SETD9: variants seen among roughly 807,000 people sequenced by gnomAD.
SETD9 encodes SET domain-containing protein 9.
Under a neutral mutation model 36.4 loss-of-function variants are expected in SETD9, and 37 were observed. The observed-to-expected ratio is 1.02, with a 90% CI of 0.78 to 1.34. The LOEUF (loss-of-function observed/expected upper bound fraction) is 1.34. Ranked by LOEUF, SETD9 falls within the 40% of genes most tolerant of loss-of-function variation. The pLI, the probability that SETD9 is intolerant of heterozygous loss-of-function variation, is 0.00. For synonymous variants in SETD9, 128 were observed against 132.9 expected, an observed-to-expected ratio of 0.96 and a Z score of 0.26; for missense variants, 323 against 353.2, an observed-to-expected ratio of 0.91 and a Z score of 0.69.
At chr5:56,909,385 G>A, upstream of SETD9, 2 of 378,106 alleles carry the variant, frequency 5.3e-6, no homozygotes, top group Non-Finnish European at 4.7e-6. Context: ...GCCCACGGAA[G>A]CACCCGAGCG....
At chr5:56,913,622 G>T (rs1013108748) in intron 3 of SETD9, among the ~76,000 whole-genome samples, 31 of 152,086 alleles carry the variant, frequency 2.0e-4, no homozygotes, top group Non-Finnish European at 3.8e-4. Context: ...GACCTCAAGT[G>T]ATCTGCCTGC....
chr5:56,912,129 T>A, intron 2 of SETD9: 1 of 958,678 alleles, frequency 1.0e-6, no homozygotes, highest in Middle Eastern at 5.3e-4. Context: ...CGCTCCAGCC[T>A]GGGTGACAGT....
At chr5:56,919,930 A>G (rs1749588792), downstream of SETD9, 1 of 152,554 alleles carries the variant, frequency 6.6e-6, no homozygotes, top group African/African-American at 2.4e-5. Flanking sequence ...AGTAACGTCA[A>G]TATTTTATAA....
At chr5:56,922,955 T>G in intron 5 of SETD9, 1 of 616,460 alleles carries the variant, frequency 1.6e-6, no homozygotes, top group Non-Finnish European at 2.8e-6. Context: ...TCCACATTTA[T>G]GGATTGAAAA....
At chr5:56,923,454 T>A in intron 5 of SETD9, 4 of 1,614,158 alleles carry the variant, frequency 2.5e-6, no homozygotes, top group Non-Finnish European at 3.4e-6. Context: ...CTGGGCAGGG[T>A]GAGTAACTCT....
In SETD9 at chr5:56,909,696, G is replaced by C; in HGVS notation, c.51G>C (p.Lys17Asn). 6.2e-7 allele frequency: 1 copy of C among 1,611,150 alleles called. No individual in the cohort carries two copies. Reference protein sequence around the residue: ...RGLWQRWRRYKYRFVPWIALN... With the variant: ...RGLWQRWRRYNYRFVPWIALN... ...TGTGGCAGCGATGGCGCCGTTACAA[G>C]TACCGCTTCGTTCCCTGGATCGCAC... Residue 17 changes from lysine to asparagine, a missense_variant, in exon 1 of 6, where the codon AAG becomes AAC. Transcript: ENST00000285947.
chr5:56,923,471 A>G (rs1749781671), intron 5 of SETD9: 1 of 1,614,196 alleles, frequency 6.2e-7, no homozygotes, highest in Non-Finnish European at 8.5e-7. Context: ...CTCTTCTGTT[A>G]CAACAGGCAC....
intron 5 of SETD9, chr5:56,923,481 C>A (rs1249397162): frequency 6.2e-7 from 1 of 1,614,064 alleles, no homozygotes; most frequent in African/African-American, 1.3e-5. Context: ...ACAACAGGCA[C>A]ATGATTAACT....
intron 5 of SETD9, chr5:56,923,830 G>A: frequency 6.2e-7 from 1 of 1,614,078 alleles, no homozygotes; most frequent in Non-Finnish European, 8.5e-7. Flanking sequence ...GATCCATATA[G>A]TCCCTGAAAA....
chr5:56,911,037 C>T, intron 1 of SETD9, 132 bp from the exon 2 acceptor site: 1 of 1,039,780 alleles, frequency 9.6e-7, no homozygotes, highest in Non-Finnish European at 1.3e-6. Context: ...CTTTTCTGAA[C>T]TTAGTTTCCA....
downstream of SETD9, among the ~76,000 whole-genome samples, chr5:56,917,661 T>C (rs1749489376): frequency 1.3e-5 from 2 of 151,824 alleles, no homozygotes; most frequent in African/African-American, 4.9e-5. Flanking sequence ...CTGTGGACTC[T>C]GGCTGCCAGC....
chr5:56,911,156 T>C lies in SETD9; in HGVS notation c.99-13T>C, dbSNP rs1265643007. The C allele has an allele frequency of 1.2e-5, 18 of 1,521,606 alleles. No homozygotes were observed. Among genetic ancestry groups the C allele is most frequent in the Non-Finnish European group, 1.6e-5 (18 of 1,139,868 alleles). The allele number at this position is 1,521,606 out of a possible 1,614,324, so 94.3% of individuals were successfully genotyped here. The stretch of plus-strand genomic sequence containing the variant: ...GTTGAAGGGTAGTGAATAGAAACTT[T>C]TCCCATTTTCAGGACCCTCCGATAT... On this transcript the variant is annotated splice_polypyrimidine_tract_variant and intron_variant, in intron 1 of 5. Transcript: ENST00000285947.
chr5:56,909,619 T>A lies in SETD9; in HGVS notation c.-27T>A, dbSNP rs1748983886. On this transcript the variant is annotated 5_prime_UTR_variant, in exon 1 of 6. Transcript: ENST00000285947. Reference sequence around the variant, plus strand: ...GCCTCGATCCGCCTTCCCCGCGCCGTCCTGGTCACGGCCCCGCGGGGCAGC... The same window carrying A: ...GCCTCGATCCGCCTTCCCCGCGCCGACCTGGTCACGGCCCCGCGGGGCAGC... The A allele has an allele frequency of 6.3e-7, 1 of 1,580,106 alleles. No homozygotes were observed. Among genetic ancestry groups the A allele is most frequent in the Non-Finnish European group, 8.6e-7 (1 of 1,163,006 alleles).
chr5:56,920,212 C>T (rs911496423), downstream of SETD9: 6 of 152,506 alleles, frequency 3.9e-5, no homozygotes, highest in Non-Finnish European at 7.4e-5. Flanking sequence ...ATTCTACATC[C>T]TTCAAGTAAA....
At chr5:56,926,736 T>C (rs1012570005), downstream of SETD9, among the ~76,000 whole-genome samples, 2 of 152,124 alleles carry the variant, frequency 1.3e-5, no homozygotes, top group East Asian at 1.9e-4. Flanking sequence ...GACAAATGAA[T>C]TGAAAACCTA....
downstream of SETD9, chr5:56,928,621 G>A (rs57383905): frequency 5.6e-5 from 30 of 535,526 alleles, no homozygotes; most frequent in East Asian, 8.7e-4. Flanking sequence ...GCATCTCTGA[G>A]CAAATTAGTC....
rs767927307 is a variant in SETD9 at position 56,911,241 on chromosome 5, G to C, written c.171G>C (p.Leu57=). Residue 57 remains leucine (L), a synonymous_variant, in exon 2 of 6, where the codon CTG becomes CTC. Coordinates refer to ENST00000285947, the MANE Select transcript of SETD9 (RefSeq NM_153706.4). ...ATGAAGATGTCCTAGGAACATTACTGAAAGTTTTCCAGGCTCTATTCTTAA... is the reference window on the plus strand; with the variant it reads ...ATGAAGATGTCCTAGGAACATTACTCAAAGTTTTCCAGGCTCTATTCTTAA... ...ISDEDVLGTL[L]KVFQALFLND... The C allele has an allele frequency of 3.1e-6, 5 of 1,606,170 alleles. No homozygotes were observed. In the East Asian group the frequency reaches 1.1e-4, roughly 36 times the overall value.
intron 5 of SETD9, among the ~76,000 whole-genome samples, chr5:56,924,254 T>G (rs1435208467): frequency 3.2e-5 from 4 of 126,200 alleles, no homozygotes; most frequent in Non-Finnish European, 7.2e-5. Flanking sequence ...AAGCCCAAGG[T>G]TTTTTTTTTA....
At chr5:56,926,458 C>A (rs551770779), downstream of SETD9, among the ~76,000 whole-genome samples, 4 of 150,528 alleles carry the variant, frequency 2.7e-5, no homozygotes, top group South Asian at 2.1e-4. Context: ...GAAAAAAAAA[C>A]ACACAAATGG....
Sources: gnomAD v4.1 joint callset for allele counts (sites outside exome capture counted in the v4.1 genomes callset) on GRCh38, gnomAD v4.1.1 for gene constraint, MANE v1.5 for transcripts, NCBI Gene and HGNC (gene_info 2026-07-23, HGNC 2026-07-21) for gene names.